ZMYM2: variants seen among roughly 807,000 people sequenced by gnomAD.
ZMYM2 encodes zinc finger MYM-type protein 2.
Under a neutral mutation model 162.8 loss-of-function variants are expected in ZMYM2, and 56 were observed. The observed-to-expected ratio is 0.34, with a 90% CI of 0.28 to 0.43. ZMYM2 has a LOEUF of 0.43. ZMYM2 is among the 20% of genes least tolerant of loss of function. The pLI is 1.00. For missense variants in ZMYM2, 1,275 were observed against 1,621.8 expected (o/e 0.79, Z 3.67); for synonymous variants, 510 against 541.6 (o/e 0.94, Z 0.81).
chr13:19,933,857 AC>A, the ZMYM2 span, among the ~76,000 whole-genome samples: 2 of 152,136 alleles, frequency 1.3e-5, no homozygotes, highest in Non-Finnish European at 1.5e-5. Context: ...TTTCTGGAGA[AC>A]TTTTGGTCTC....
intron 12 of ZMYM2, among the ~76,000 whole-genome samples, chr13:20,045,250 A>T (rs1380813341): frequency 6.6e-6 from 1 of 152,184 alleles, no homozygotes; most frequent in Non-Finnish European, 1.5e-5. Flanking sequence ...TCTGCAATTC[A>T]CCATGTTAAC....
At chr13:19,939,372 T>TA in the ZMYM2 span, among the ~76,000 whole-genome samples, 4 of 151,682 alleles carry the variant, frequency 2.6e-5, no homozygotes, top group South Asian at 2.1e-4. Context: ...TATCTAAATT[T>TA]AAAAAAAAGT....
chr13:19,994,478 T>G (rs1949869026), intron 3 of ZMYM2, among the ~76,000 whole-genome samples: 1 of 152,176 alleles, frequency 6.6e-6, no homozygotes, highest in South Asian at 2.1e-4. Flanking sequence ...AGTGTAATAT[T>G]GTACAGTAGT....
intron 2 of ZMYM2, among the ~76,000 whole-genome samples, chr13:19,972,847 G>A (rs1270382613): frequency 6.6e-6 from 1 of 151,516 alleles, no homozygotes; most frequent in African/African-American, 2.4e-5. Flanking sequence ...TAAATTTAAT[G>A]TGTTCCCTCT....
intron 6 of ZMYM2, among the ~76,000 whole-genome samples, chr13:20,016,898 G>T (rs1348355263): frequency 6.6e-6 from 1 of 152,080 alleles, no homozygotes; most frequent in Non-Finnish European, 1.5e-5. Flanking sequence ...CAAGTTTTTA[G>T]CCATTAATTT....
the ZMYM2 span, among the ~76,000 whole-genome samples, chr13:19,900,232 G>A: frequency 6.6e-6 from 1 of 152,186 alleles, no homozygotes; most frequent in African/African-American, 2.4e-5. Context: ...CCAGGAGGCG[G>A]AGGTTGCAGT....
At chr13:20,039,727 C>T (rs1167065158) in intron 12 of ZMYM2, among the ~76,000 whole-genome samples, 3 of 152,174 alleles carry the variant, frequency 2.0e-5, no homozygotes, top group Non-Finnish European at 4.4e-5. Flanking sequence ...CTGCCCATCT[C>T]AGCCTCCTAA....
the ZMYM2 span, among the ~76,000 whole-genome samples, chr13:19,888,175 G>A: frequency 6.6e-6 from 1 of 151,322 alleles, no homozygotes; most frequent in Non-Finnish European, 1.5e-5. Context: ...CATCGCGCCT[G>A]GCTAAATTAT....
At chr13:19,942,263 T>C in the ZMYM2 span, among the ~76,000 whole-genome samples, 343 of 151,642 alleles carry the variant, frequency 2.3e-3, 3 homozygotes, top group African/African-American at 7.8e-3. Context: ...AGTAATATAG[T>C]AGGATGATCA....
At chr13:19,864,551 C>T in the ZMYM2 span, 5 of 153,760 alleles carry the variant, frequency 3.3e-5, no homozygotes, top group Admixed American at 3.3e-4. Flanking sequence ...GCTGCAGGCT[C>T]CCTTGGAGCT....
the ZMYM2 span, among the ~76,000 whole-genome samples, chr13:19,937,223 A>G: frequency 3.3e-5 from 5 of 151,536 alleles, no homozygotes; most frequent in African/African-American, 1.2e-4. Flanking sequence ...ATCTTGGCCC[A>G]CTACAACCTC....
intron 10 of ZMYM2, among the ~76,000 whole-genome samples, chr13:20,033,393 G>A (rs994318929): frequency 3.9e-5 from 6 of 152,148 alleles, no homozygotes; most frequent in Non-Finnish European, 1.5e-5. Context: ...GGGAGATTGA[G>A]AATTCAGTGG....
chr13:20,082,772 CTATT>C lies in ZMYM2; in HGVS notation c.3569-6_3569-3del. ...TATAATTCTTTTAAAATAGTTCTCT[CTATT>C]TAAGGGTCAATATTCTCTCGAGTTG... On this transcript the variant is annotated splice_region_variant and splice_polypyrimidine_tract_variant and intron_variant, in intron 22 of 24. Coordinates refer to ENST00000610343, the MANE Select transcript of ZMYM2 (RefSeq NM_197968.4). The C allele has an allele frequency of 6.4e-7, 1 of 1,551,944 alleles. No individual in the cohort carries two copies. Among genetic ancestry groups the C allele is most frequent in the Non-Finnish European group, 8.7e-7 (1 of 1,149,346 alleles).
At chr13:19,961,505 T>C (rs148886112) in intron 2 of ZMYM2, among the ~76,000 whole-genome samples, 1 of 152,206 alleles carries the variant, frequency 6.6e-6, no homozygotes, top group Admixed American at 6.5e-5. Flanking sequence ...AAGGGTTAGA[T>C]CTTTCAAATA....
intron 2 of ZMYM2, among the ~76,000 whole-genome samples, chr13:19,972,908 C>CAT (rs1330610001): frequency 6.7e-6 from 1 of 149,966 alleles, no homozygotes; most frequent in Non-Finnish European, 1.5e-5. Flanking sequence ...TATATATATA[C>CAT]ATATATAGAT....
chr13:19,971,244 G>GTGTATATA (rs5802035), intron 2 of ZMYM2, among the ~76,000 whole-genome samples: 73 of 50,056 alleles, frequency 1.5e-3, no homozygotes, highest in African/African-American at 2.8e-3. Context: ...GTGTGTGTGT[G>GTGTATATA]TATATATATA....
intron 2 of ZMYM2, among the ~76,000 whole-genome samples, chr13:19,992,042 C>G (rs1041675479): frequency 2.4e-4 from 37 of 152,060 alleles, no homozygotes; most frequent in African/African-American, 8.5e-4. Context: ...GTCCCTTTTT[C>G]CATGTAAGGT....
chr13:20,050,454 AAC>A (rs1034978168), intron 12 of ZMYM2, among the ~76,000 whole-genome samples: 3 of 152,036 alleles, frequency 2.0e-5, no homozygotes, highest in African/African-American at 4.8e-5. Context: ...CAAAATACTT[AAC>A]AGTTATTACT....
At chr13:20,014,551 G>A (rs1159430655) in intron 6 of ZMYM2, among the ~76,000 whole-genome samples, 1 of 152,074 alleles carries the variant, frequency 6.6e-6, no homozygotes, top group African/African-American at 2.4e-5. Context: ...CTTCAGGAAT[G>A]CTGGTAGTAA....
Sources: gnomAD v4.1 joint callset for allele counts (sites outside exome capture counted in the v4.1 genomes callset) on GRCh38, gnomAD v4.1.1 for gene constraint, MANE v1.5 for transcripts, NCBI Gene and HGNC (gene_info 2026-07-23, HGNC 2026-07-21) for gene names.